CLUL1: variants seen among roughly 807,000 people sequenced by gnomAD.
The protein encoded by CLUL1 is clusterin-like protein 1.
A neutral mutation model predicts 49.4 loss-of-function variants in CLUL1; 43 were observed. That is an observed-to-expected ratio of 0.87 (90% confidence interval 0.68 to 1.12). The LOEUF is 1.12. CLUL1 is among the 50% of genes most tolerant of loss of function. CLUL1 has a pLI of 0.00. For synonymous variants in CLUL1, 192 were observed against 184.9 expected, an observed-to-expected ratio of 1.04 and a Z score of -0.31; for missense variants, 486 against 544.4, an observed-to-expected ratio of 0.89 and a Z score of 1.07.
intron 7 of CLUL1, among the ~76,000 whole-genome samples, chr18:636,867 T>C (rs1206816329): frequency 6.6e-6 from 1 of 152,150 alleles, no homozygotes; most frequent in East Asian, 1.9e-4. Context: ...CCTCAAGTGA[T>C]TTGCCTGCCT....
At chr18:645,507 A>C (rs1224938736) in intron 9 of CLUL1, among the ~76,000 whole-genome samples, 1 of 151,892 alleles carries the variant, frequency 6.6e-6, no homozygotes, top group Non-Finnish European at 1.5e-5. Context: ...TAAAATATTA[A>C]AATGTTGGCC....
chr18:622,516 C>T (rs922664913), intron 4 of CLUL1, among the ~76,000 whole-genome samples: 2 of 152,114 alleles, frequency 1.3e-5, no homozygotes, highest in Non-Finnish European at 2.9e-5. Context: ...GAGTTATAAG[C>T]GTGAATCTGC....
intron 6 of CLUL1, among the ~76,000 whole-genome samples, chr18:628,318 A>G (rs1272769934): frequency 5.3e-5 from 8 of 152,254 alleles, no homozygotes; most frequent in Admixed American, 1.3e-4. Flanking sequence ...ATGTATGCAT[A>G]AAACCACAAA....
intron 8 of CLUL1, among the ~76,000 whole-genome samples, chr18:641,801 G>A (rs2144180670): frequency 6.6e-6 from 1 of 152,236 alleles, no homozygotes; most frequent in African/African-American, 2.4e-5. Context: ...GAGTTATAGG[G>A]CTATAACTGA....
chr18:612,188 C>CAA, intron 2 of CLUL1, among the ~76,000 whole-genome samples: 1 of 152,212 alleles, frequency 6.6e-6, no homozygotes. Flanking sequence ...CTTTTAAAAC[C>CAA]AGTGCATTAT....
chr18:641,371 A>G lies in CLUL1; in HGVS notation c.1039A>G (p.Ile347Val), dbSNP rs760690831. ...TCTGCACACAGAATTAGACGAGGCGATCAGGTTGGTCAATGTATCCAATCA... is the reference window on the plus strand; with the variant it reads ...TCTGCACACAGAATTAGACGAGGCGGTCAGGTTGGTCAATGTATCCAATCA... The part of the protein sequence containing the change: ...PALHTELDEA[I>V]RLVNVSNQQY... The change falls in exon 8 of 10, where the codon ATC becomes GTC. Residue 347 changes from isoleucine to valine, a missense_variant. Transcript: ENST00000692774. 3.7e-6 allele frequency: 6 copies of G among 1,614,188 alleles called. No individual in the cohort carries two copies. Among genetic ancestry groups the G allele is most frequent in the Non-Finnish European group, 4.2e-6 (5 of 1,180,040 alleles).
At chr18:635,374 G>A (rs2074107310) in intron 7 of CLUL1, among the ~76,000 whole-genome samples, 1 of 152,140 alleles carries the variant, frequency 6.6e-6, no homozygotes, top group Non-Finnish European at 1.5e-5. Context: ...CTGACAGCAG[G>A]CGGGGCTCAG....
chr18:620,498 G>A (rs1440572573), intron 4 of CLUL1, among the ~76,000 whole-genome samples: 1 of 152,092 alleles, frequency 6.6e-6, no homozygotes, highest in African/African-American at 2.4e-5. Flanking sequence ...TTGGGTGCAT[G>A]TGAACAGAGC....
rs1567979919 is a variant in CLUL1 at position 645,813 on chromosome 18, ATATATATATATATAT to A, written c.1397+717_1397+731del. Among the ~76,000 whole-genome samples the A allele has an allele frequency of 6.4e-3, 366 of 57,054 alleles. 64 individuals are homozygous for A. Among genetic ancestry groups the A allele is most frequent in the African/African-American group, 0.026 (343 of 13,054 alleles). The allele number at this position is 57,054 out of a possible 152,430, so 37.4% of individuals were successfully genotyped here. A position where few individuals can be genotyped will look rare whatever the true frequency, so the allele number is the denominator to read the frequency against. Reference sequence around the variant, plus strand: ...TGTTTAAAAAAAAAAAAAAAAAAATATATATATATATATATATATATATATATATATATATATATG... The same window carrying A: ...TGTTTAAAAAAAAAAAAAAAAAAATAATATATATATATATATATATATATG... On this transcript the variant is annotated intron_variant, in intron 9 of 9. Coordinates refer to ENST00000692774, the MANE Select transcript of CLUL1 (RefSeq NM_001393344.1).
intron 1 of CLUL1, among the ~76,000 whole-genome samples, chr18:605,627 A>G (rs943015250): frequency 1.3e-5 from 2 of 152,046 alleles, no homozygotes; most frequent in African/African-American, 4.8e-5. Flanking sequence ...CATGCATGGT[A>G]TTTTGTATCA....
Position 607,118 on chromosome 18 carries a change from G to A in CLUL1, c.-14+19G>A, listed in dbSNP as rs765789276. 1.3e-4 allele frequency: 89 copies of A among 701,094 alleles called. No homozygotes were observed. Among genetic ancestry groups the A allele is most frequent in the Non-Finnish European group, 2.0e-4 (78 of 384,444 alleles). The allele number at this position is 701,094 out of a possible 1,614,324, so 43.4% of individuals were successfully genotyped here. Reference sequence around the variant, plus strand: ...ACTACAGGTATGCACCGCTATACCCGTCTATCTTTTATTTATTTATTTATT... The same window carrying A: ...ACTACAGGTATGCACCGCTATACCCATCTATCTTTTATTTATTTATTTATT... On this transcript the variant is annotated intron_variant, in intron 2 of 9. Transcript: ENST00000692774.
At chr18:632,065 T>C (rs1211736364) in intron 6 of CLUL1, among the ~76,000 whole-genome samples, 1 of 152,234 alleles carries the variant, frequency 6.6e-6, no homozygotes, top group Non-Finnish European at 1.5e-5. Flanking sequence ...CATTTTTAAA[T>C]GCTGAGGATT....
intron 1 of CLUL1, chr18:597,843 A>T (rs1168079130): frequency 1.3e-5 from 2 of 152,266 alleles, no homozygotes; most frequent in African/African-American, 4.8e-5. Flanking sequence ...AACTGTGGAT[A>T]AGCCCCCTGA....
chr18:612,633 G>A lies in CLUL1; in HGVS notation c.-13-5355G>A, dbSNP rs797013335. On this transcript the variant is annotated intron_variant, in intron 2 of 9. Coordinates refer to ENST00000692774, the MANE Select transcript of CLUL1 (RefSeq NM_001393344.1). ...TCTCCTCCTCAAAGAGGCCTTCCTC[G>A]GCCACTTATCCTCAAGTAGCTCCTC... The A allele has an allele frequency of 8.5e-5, 13 of 152,250 alleles. 1 individual carries two copies. Among genetic ancestry groups the A allele is most frequent in the African/African-American group, 2.9e-4 (12 of 41,536 alleles). 9.4% of individuals were successfully genotyped at this position (152,250 alleles called of 1,614,324 possible). A position where few individuals can be genotyped will look rare whatever the true frequency, so the allele number is the denominator to read the frequency against.
intron 6 of CLUL1, among the ~76,000 whole-genome samples, chr18:631,994 G>A (rs16947777): frequency 0.19 from 29,043 of 152,074 alleles, 2,857 homozygotes; most frequent in Non-Finnish European, 0.2. Context: ...CCATTCTATC[G>A]AACAGTGCTT....
At chr18:624,618 C>T (rs1044130114) in intron 4 of CLUL1, among the ~76,000 whole-genome samples, 3 of 152,126 alleles carry the variant, frequency 2.0e-5, no homozygotes, top group Non-Finnish European at 4.4e-5. Flanking sequence ...AGCAAACACT[C>T]AGTAAATACT....
intron 6 of CLUL1, among the ~76,000 whole-genome samples, chr18:630,831 C>T (rs2073975277): frequency 6.6e-6 from 1 of 151,444 alleles, no homozygotes; most frequent in Non-Finnish European, 1.5e-5. Flanking sequence ...GGACTACAGG[C>T]ACGTGCCACC....
intron 1 of CLUL1, among the ~76,000 whole-genome samples, chr18:598,833 T>C (rs1373541768): frequency 6.6e-6 from 1 of 152,212 alleles, no homozygotes; most frequent in Non-Finnish European, 1.5e-5. Flanking sequence ...CACCCCCTCT[T>C]TCTTTTTTTC....
intron 9 of CLUL1, among the ~76,000 whole-genome samples, chr18:645,781 G>C (rs12964715): frequency 1.2e-5 from 1 of 84,106 alleles, no homozygotes; most frequent in Non-Finnish European, 2.2e-5. Context: ...GCGACAGAGC[G>C]AGACTCTGTT....
Sources: gnomAD v4.1 joint callset for allele counts (sites outside exome capture counted in the v4.1 genomes callset) on GRCh38, gnomAD v4.1.1 for gene constraint, MANE v1.5 for transcripts, NCBI Gene and HGNC (gene_info 2026-07-23, HGNC 2026-07-21) for gene names.